The following HECW2 variants were observed in gnomAD, a reference collection of about 807,000 sequenced individuals.
HECW2 encodes HECT, C2 and WW domain containing E3 ubiquitin protein ligase 2.
A neutral mutation model predicts 175.2 loss-of-function variants in HECW2; 61 were observed. The observed-to-expected ratio is 0.35, with a 90% confidence interval of 0.28 to 0.43. The LOEUF is 0.43. Ranked by LOEUF, HECW2 falls within the 20% of genes least tolerant of loss-of-function variation. The pLI is 1.00. For synonymous variants in HECW2, 671 were observed against 731.0 expected (o/e 0.92, Z 1.32); for missense variants, 1,524 against 2,000.5 (o/e 0.76, Z 4.54).
At chr2:196,286,620 T>A (rs548074979) in intron 14 of HECW2, among the ~76,000 whole-genome samples, 1 of 152,146 alleles carries the variant, frequency 6.6e-6, no homozygotes, top group African/African-American at 2.4e-5. Context: ...ACGCATTAAT[T>A]CTTTCTAACA....
At chr2:196,429,624 G>C (rs189355416) in intron 2 of HECW2, among the ~76,000 whole-genome samples, 7 of 152,354 alleles carry the variant, frequency 4.6e-5, no homozygotes, top group Middle Eastern at 3.4e-3. Context: ...TTGGAAAACA[G>C]ATGGTATTAG....
chr2:196,591,913 A>G (rs1276481776), intron 1 of HECW2, among the ~76,000 whole-genome samples: 1 of 152,220 alleles, frequency 6.6e-6, no homozygotes, highest in Non-Finnish European at 1.5e-5. Context: ...TGTGTGTGTC[A>G]TTTTAAAGAT....
intron 1 of HECW2, among the ~76,000 whole-genome samples, chr2:196,483,860 C>A (rs1190622445): frequency 1.3e-5 from 2 of 152,210 alleles, no homozygotes; most frequent in South Asian, 2.1e-4. Flanking sequence ...AAAGTGTGGA[C>A]CTTCTGTGAA....
Position 196,334,483 on chromosome 2 carries a change from T to A in HECW2, c.436A>T (p.Ile146Phe), listed in dbSNP as rs567864110. Residue 146 changes from isoleucine (I) to phenylalanine (F), a missense_variant, in exon 4 of 29, where the codon ATT becomes TTT. This residue lies in a region of HECW2 where 135 missense variants were observed against 214.6 expected (regional missense o/e 0.63). Coordinates refer to ENST00000644978, the MANE Select transcript of HECW2 (RefSeq NM_001348768.2). ...GTCGTGGCTCGCAGGGCTCCACTAA[T>A]GCCGTGGTAATATTTAAAACAGATT... ...IKICFKYYHG[I>F]SGALRATTPC... 6.2e-7 allele frequency: 1 copy of A among 1,608,696 alleles called. No homozygotes were observed. Among genetic ancestry groups the A allele is most frequent in the South Asian group, 1.1e-5 (1 of 89,916 alleles).
intron 3 of HECW2, among the ~76,000 whole-genome samples, chr2:196,342,624 A>G (rs1008946479): frequency 6.6e-6 from 1 of 152,188 alleles, no homozygotes; most frequent in African/African-American, 2.4e-5. Context: ...CAGGCACTAT[A>G]TATGAGCATT....
In HECW2 at chr2:196,444,632, C is replaced by G. The variant is rs538797389; in HGVS notation, c.-35-11174G>C. Among the ~76,000 whole-genome samples, 3 of 152,232 alleles carry G rather than the reference C, an allele frequency of 2.0e-5. No individual in the cohort carries two copies. The East Asian group carries it at 5.8e-4, about 29-fold the overall frequency. ...CCTACAGCACTTTTTCAATGCCAACCCTTCCAATCAAGTAAATGACGTAAT... is the reference window on the plus strand; with the variant it reads ...CCTACAGCACTTTTTCAATGCCAACGCTTCCAATCAAGTAAATGACGTAAT... On this transcript the variant is annotated intron_variant, in intron 1 of 28. Transcript: ENST00000644978.
chr2:196,377,826 G>C (rs533989396), intron 2 of HECW2, among the ~76,000 whole-genome samples: 16 of 152,224 alleles, frequency 1.1e-4, no homozygotes, highest in African/African-American at 3.9e-4. Context: ...TTTCTTACCA[G>C]CAGATTAAGT....
chr2:196,393,799 C>G (rs1694582125), intron 2 of HECW2, among the ~76,000 whole-genome samples: 1 of 152,214 alleles, frequency 6.6e-6, no homozygotes, highest in Non-Finnish European at 1.5e-5. Flanking sequence ...TATCCCATTA[C>G]TGGGTATATA....
intron 12 of HECW2, 55 bp downstream of exon 12, chr2:196,307,075 T>C: frequency 8.0e-7 from 1 of 1,255,852 alleles, no homozygotes; most frequent in East Asian, 2.3e-5. Flanking sequence ...GGAATCCTTA[T>C]TTGCTTCTTT....
At chr2:196,382,522 A>C (rs1357637860) in intron 2 of HECW2, among the ~76,000 whole-genome samples, 1 of 152,130 alleles carries the variant, frequency 6.6e-6, no homozygotes, top group Non-Finnish European at 1.5e-5. Flanking sequence ...AAAAATTAGA[A>C]ACTAGAGATG....
intron 1 of HECW2, among the ~76,000 whole-genome samples, chr2:196,449,153 T>G (rs1345778933): frequency 6.6e-6 from 1 of 152,074 alleles, no homozygotes; most frequent in East Asian, 1.9e-4. Context: ...GTGCCAAGTC[T>G]GGGAATTTCG....
intron 11 of HECW2, among the ~76,000 whole-genome samples, chr2:196,307,563 C>T (rs1221974802): frequency 1.3e-5 from 2 of 152,100 alleles, no homozygotes; most frequent in Admixed American, 1.3e-4. Flanking sequence ...AATGACTCAT[C>T]TAAAAAGCTT....
intron 2 of HECW2, among the ~76,000 whole-genome samples, chr2:196,411,109 C>T (rs1695097087): frequency 6.6e-6 from 1 of 152,244 alleles, no homozygotes; most frequent in Non-Finnish European, 1.5e-5. Context: ...AGTGATCCTC[C>T]TGCCTCAGTT....
In HECW2 at chr2:196,196,059, A is replaced by ACACT. The variant is rs2105738147; in HGVS notation, c.*5214_*5217dup. 1 of 152,310 alleles carries ACACT rather than the reference A, an allele frequency of 6.6e-6. No homozygotes were observed. The highest frequency in any genetic ancestry group is 6.5e-5 in the Admixed American group (1 of 15,290). The allele number at this position is 152,310 out of a possible 1,614,324, so 9.4% of individuals were successfully genotyped here. ...CCGTTGTTTTAACTTTCCCTCCACT[A>ACACT]CACTCCTGTCCTAACCATCCTTTCG... On this transcript the variant is annotated 3_prime_UTR_variant, in exon 29 of 29. Coordinates refer to ENST00000644978, the MANE Select transcript of HECW2 (RefSeq NM_001348768.2).
intron 1 of HECW2, among the ~76,000 whole-genome samples, chr2:196,567,927 T>A (rs1488176032): frequency 1.3e-5 from 2 of 152,228 alleles, no homozygotes; most frequent in Non-Finnish European, 1.5e-5. Flanking sequence ...ATTTTAATCA[T>A]GTTATCCAGT....
intron 2 of HECW2, among the ~76,000 whole-genome samples, chr2:196,373,630 A>T (rs961842999): frequency 2.0e-5 from 3 of 152,354 alleles, no homozygotes; most frequent in African/African-American, 4.8e-5. Context: ...TCTCAAACTT[A>T]AAAAAAGCTA....
intron 4 of HECW2, among the ~76,000 whole-genome samples, chr2:196,332,318 C>A (rs113454015): frequency 6.6e-6 from 1 of 152,124 alleles, no homozygotes; most frequent in African/African-American, 2.4e-5. Flanking sequence ...ACCTAGATGA[C>A]CATCATGCTA....
rs1575613269 is a variant in HECW2, at chr2:196,504,986, A to G, written c.-35-71528T>C. On this transcript the variant is annotated intron_variant, in intron 1 of 28. Transcript: ENST00000644978. The stretch of plus-strand genomic sequence containing the variant: ...CAAACAGAGCTCTACCTATATCTGT[A>G]AAACTATTAATACAATGTTACTGTC... 2.0e-5 allele frequency among the ~76,000 whole-genome samples: 3 copies of G among 152,354 alleles called. No homozygotes were observed. In the Middle Eastern group the frequency reaches 0.01, roughly 518 times the overall value.
intron 2 of HECW2, among the ~76,000 whole-genome samples, chr2:196,366,995 T>C (rs935551881): frequency 6.6e-6 from 1 of 152,216 alleles, no homozygotes; most frequent in Non-Finnish European, 1.5e-5. Context: ...TGTATATATA[T>C]GTTGTTTCTG....
Sources: gnomAD v4.1 joint callset for allele counts (sites outside exome capture counted in the v4.1 genomes callset) on GRCh38, gnomAD v4.1.1 for gene constraint, gnomAD v4.1.1 regional missense constraint, MANE v1.5 for transcripts, NCBI Gene and HGNC (gene_info 2026-07-23, HGNC 2026-07-21) for gene names.